Variants in DVL1 observed in about 807,000 individuals in gnomAD.
DVL1 encodes the protein dishevelled segment polarity protein 1.
In DVL1, 49 loss-of-function variants were observed where a neutral mutation model predicts 65.0. That is an observed-to-expected ratio of 0.75 (90% confidence interval 0.60 to 0.96). The LOEUF is 0.96. Ranked by LOEUF, DVL1 falls within the 40% of genes least tolerant of loss-of-function variation. The pLI is 0.00. For missense variants in DVL1, 1,197 were observed against 1,045.4 expected, an observed-to-expected ratio of 1.15 and a Z score of -2.00; for synonymous variants, 608 against 433.9, an observed-to-expected ratio of 1.40 and a Z score of -4.99.
chr1:1,348,808 C>G (rs1643966092), intron 1 of DVL1, 88 bp downstream of exon 1: 1 of 1,133,974 alleles, frequency 8.8e-7, no homozygotes, highest in South Asian at 4.2e-5. Context: ...GGGGCGCGAA[C>G]GGCTCAGGAC....
chr1:1,348,942 C>G lies in DVL1; in HGVS notation c.124G>C (p.Val42Leu), dbSNP rs774441768. The G allele has an allele frequency of 4.4e-6, 7 of 1,573,854 alleles. No individual in the cohort carries two copies. The South Asian group carries it at 6.7e-5, about 15-fold the overall frequency. The change falls in exon 1 of 15, where the codon GTG becomes CTG. Residue 42 changes from valine to leucine, a missense_variant. By Grantham distance (32) the Val-to-Leu change is conservative. Coordinates refer to ENST00000378888, the MANE Select transcript of DVL1 (RefSeq NM_001330311.2). ...DFKNVLSNRP[V>L]HAYKFFFKSM... ...TTAAAGAAGAATTTGTAGGCGTGCA[C>G]GGGCCGGTTGCTGAGCACGTTCTTG... is the stretch of plus-strand genomic sequence containing the variant.
chr1:1,348,031 ACCGCTTG>A (rs1473728096), intron 1 of DVL1, among the ~76,000 whole-genome samples: 1 of 152,200 alleles, frequency 6.6e-6, no homozygotes, highest in Non-Finnish European at 1.5e-5. Flanking sequence ...ACACAAGGAC[ACCGCTTG>A]CCGGAGGCTC....
At chr1:1,345,109 T>A (rs1569738290) in intron 1 of DVL1, among the ~76,000 whole-genome samples, 2 of 151,198 alleles carry the variant, frequency 1.3e-5, no homozygotes, top group South Asian at 4.2e-4. Context: ...CCCTGCCCCC[T>A]CCCACCATCC....
At chr1:1,343,235 T>A (rs1160588478) in intron 1 of DVL1, among the ~76,000 whole-genome samples, 3 of 145,880 alleles carry the variant, frequency 2.1e-5, no homozygotes. Context: ...CACCCCCACC[T>A]CATCTGTTCC....
intron 3 of DVL1, 79 bp downstream of exon 3, chr1:1,342,284 C>G (rs1557670859): frequency 2.7e-6 from 4 of 1,501,060 alleles, no homozygotes; most frequent in African/African-American, 2.8e-5. Flanking sequence ...CTGGCCCAGG[C>G]AGGCCTCCCT....
At chr1:1,343,967 G>A (rs571943305) in intron 1 of DVL1, among the ~76,000 whole-genome samples, 86 of 152,280 alleles carry the variant, frequency 5.6e-4, no homozygotes, top group Non-Finnish European at 1.0e-3. Context: ...CAGGCAGGCC[G>A]CAGAGGGTCA....
In DVL1 at chr1:1,348,420, A is replaced by G. The variant is rs564408832; in HGVS notation, c.170+476T>C. Among the ~76,000 whole-genome samples, 5 of 152,142 alleles carry G rather than the reference A, an allele frequency of 3.3e-5. No homozygotes were observed. In the East Asian group the frequency reaches 9.6e-4, roughly 29 times the overall value. On this transcript the variant is annotated intron_variant, in intron 1 of 14. Transcript: ENST00000378888. ...CTCCACCCTGTCACAAGGACCCTGC[A>G]GAAGGGGGCCAGGAGAACCTGTCTT...
In DVL1 at chr1:1,338,299, A is replaced by T; in HGVS notation, c.1477T>A (p.Cys493Ser). Reference sequence around the variant, plus strand: ...CAGAGATCCCCGAAGACGTAGTAGCACTGCTCGGAGAAGGTGATCTTGTTG... The same window carrying T: ...CAGAGATCCCCGAAGACGTAGTAGCTCTGCTCGGAGAAGGTGATCTTGTTG... ...TVNKITFSEQ[C>S]YYVFGDLCSN... The change falls in exon 13 of 15, where the codon TGC becomes AGC. Residue 493 changes from cysteine (C) to serine (S), a missense_variant. Coordinates refer to ENST00000378888, the MANE Select transcript of DVL1 (RefSeq NM_001330311.2). The T allele has an allele frequency of 6.2e-7, 1 of 1,601,650 alleles. No individual in the cohort carries two copies. The highest frequency in any genetic ancestry group is 8.5e-7 in the Non-Finnish European group (1 of 1,175,806).
At chr1:1,342,298 C>G in intron 3 of DVL1, 65 bp downstream of exon 3, 1 of 1,509,116 alleles carries the variant, frequency 6.6e-7, no homozygotes, top group Non-Finnish European at 8.9e-7. Context: ...CCTCCCTCCC[C>G]TGTTGGCCAG....
chr1:1,341,844 C>A, intron 4 of DVL1, 39 bp from the exon 5 acceptor site: 1 of 1,536,834 alleles, frequency 6.5e-7, no homozygotes, highest in Non-Finnish European at 8.8e-7. Flanking sequence ...TGCAGGGTCT[C>A]CCAGAGGTCA....
At chr1:1,336,798 C>A (rs887112395) in intron 14 of DVL1, among the ~76,000 whole-genome samples, 2 of 152,162 alleles carry the variant, frequency 1.3e-5, no homozygotes, top group Admixed American at 6.5e-5. Flanking sequence ...CCTGGTCTTG[C>A]GGCTGAAAGA....
rs1020925649 is a variant in DVL1, at chr1:1,336,663, C to T, written c.1715-148G>A. ...CAGCCATGCAGGCGCGAGGACAGGGCCGGCACCCCCAGGGTCGCAGGGGCA... is the reference window on the plus strand; with the variant it reads ...CAGCCATGCAGGCGCGAGGACAGGGTCGGCACCCCCAGGGTCGCAGGGGCA... On this transcript the variant is annotated intron_variant, in intron 14 of 14. Transcript: ENST00000378888. The T allele has an allele frequency of 3.3e-5, 37 of 1,106,726 alleles. No individual in the cohort carries two copies. The South Asian group carries it at 3.4e-4, about 10-fold the overall frequency. The allele number at this position is 1,106,726 out of a possible 1,614,324, so 68.6% of individuals were successfully genotyped here.
intron 14 of DVL1, among the ~76,000 whole-genome samples, chr1:1,336,785 G>C (rs1047055313): frequency 2.6e-5 from 4 of 152,200 alleles, no homozygotes; most frequent in Non-Finnish European, 5.9e-5. Flanking sequence ...CTTGAGCTGA[G>C]GGCCTGGTCT....
At chr1:1,337,893 G>T in intron 14 of DVL1, 84 bp downstream of exon 14, 1 of 1,066,194 alleles carries the variant, frequency 9.4e-7, no homozygotes. Flanking sequence ...GCGGGGTGGG[G>T]TGGAACTGGG....
At position 1,339,758 on chromosome 1, in the gene DVL1, G is replaced by A. The variant is rs1163185677; in HGVS notation, c.964C>T (p.Arg322Trp). The A allele has an allele frequency of 2.5e-6, 4 of 1,612,814 alleles. No homozygotes were observed. Among genetic ancestry groups the A allele is most frequent in the South Asian group, 1.1e-5 (1 of 91,072 alleles). The change falls in exon 9 of 15, where the codon CGG (arginine) becomes TGG (tryptophan). Residue 322 changes from arginine (R) to tryptophan (W), a missense_variant. Arg to Trp is a moderately radical substitution (Grantham distance 101, BLOSUM62 -3). Coordinates refer to ENST00000378888, the MANE Select transcript of DVL1 (RefSeq NM_001330311.2). ...CACCCCGTCTGGGAAACGATCTCCC[G>A]CAGCACCCGCACGGCATCGTCATTG... Reference protein sequence around the residue: ...MSNDDAVRVLREIVSQTGPIS... With the variant: ...MSNDDAVRVLWEIVSQTGPIS...
At position 1,338,509 on chromosome 1, in the gene DVL1, G is replaced by A; in HGVS notation, c.1339+13C>T. 6.2e-7 allele frequency: 1 copy of A among 1,612,080 alleles called. No homozygotes were observed. The highest frequency in any genetic ancestry group is 1.1e-5 in the South Asian group (1 of 91,062). On this transcript the variant is annotated intron_variant, in intron 12 of 14. Coordinates refer to ENST00000378888, the MANE Select transcript of DVL1 (RefSeq NM_001330311.2). The stretch of plus-strand genomic sequence containing the variant: ...GCCCCTGGCACTATCCGCCCGCGGG[G>A]ACGGCCACTCACCGATGACGGCATT...
rs148365797 is a variant in DVL1 at position 1,340,062 on chromosome 1, G to A, written c.885C>T (p.Ile295=). 17 of 1,612,742 alleles carry A rather than the reference G, an allele frequency of 1.1e-5. No individual in the cohort carries two copies. The highest frequency in any genetic ancestry group is 5.3e-5 in the African/African-American group (4 of 74,886). ...KGGAVAADGR[I]EPGDMLLQVN... ...CCTGCAGCAACATGTCGCCGGGCTC[G>A]ATGCGGCCGTCAGCGGCCACAGCCC... Residue 295 remains isoleucine (I), a synonymous_variant, in exon 8 of 15, where the codon ATC becomes ATT. Transcript: ENST00000378888.
chr1:1,340,534 C>T (rs1643762543), intron 5 of DVL1, 31 bp from the exon 6 acceptor site: 1 of 1,573,148 alleles, frequency 6.4e-7, no homozygotes, highest in South Asian at 1.2e-5. Flanking sequence ...CTCAGAGGAG[C>T]TGGAGACATG....
In DVL1 at chr1:1,336,274, T is replaced by G; in HGVS notation, c.1956A>C (p.Thr652=). 1.3e-6 allele frequency: 2 copies of G among 1,563,572 alleles called. No individual in the cohort carries two copies. ...GTCCCCCGGGTGGCCCCCCCACCAC[T>G]GTATAGGCCTTGGTCGTGGGGTGGG... ...PPPHPTTKAY[T]VVGGPPGGPP... Residue 652 remains threonine (T), a synonymous_variant, in exon 15 of 15, where the codon ACA becomes ACC. Coordinates refer to ENST00000378888, the MANE Select transcript of DVL1 (RefSeq NM_001330311.2).
Sources: gnomAD v4.1 joint callset for allele counts (sites outside exome capture counted in the v4.1 genomes callset) on GRCh38, gnomAD v4.1.1 for gene constraint, MANE v1.5 for transcripts, NCBI Gene and HGNC (gene_info 2026-07-23, HGNC 2026-07-21) for gene names.